Variants in ABCE1 observed in about 807,000 individuals in gnomAD.
ABCE1 encodes the protein ATP-binding cassette sub-family E member 1.
In ABCE1, 22 loss-of-function variants were observed where a neutral mutation model predicts 83.4. The ratio of observed to expected loss-of-function variants is 0.26; its 90% CI spans 0.19 to 0.38. The LOEUF is 0.38. Among genes scored for constraint, ABCE1 ranks in the 10% least tolerant of loss-of-function variants. ABCE1 has a pLI of 1.00. For synonymous variants in ABCE1, 204 were observed against 233.7 expected, an observed-to-expected ratio of 0.87 and a Z score of 1.16; for missense variants, 330 against 721.9, an observed-to-expected ratio of 0.46 and a Z score of 6.22.
At chr4:145,102,615 G>T (rs2126697974) in intron 1 of ABCE1, among the ~76,000 whole-genome samples, 2 of 152,190 alleles carry the variant, frequency 1.3e-5, no homozygotes, top group Admixed American at 1.3e-4. Flanking sequence ...TATGTGTGCA[G>T]GTGAAGAGTC....
chr4:145,118,561 G>T (rs1749664059), intron 10 of ABCE1, among the ~76,000 whole-genome samples: 1 of 151,612 alleles, frequency 6.6e-6, no homozygotes, highest in African/African-American at 2.4e-5. Flanking sequence ...AATATGTATT[G>T]AGTACCTTAC....
intron 3 of ABCE1, 66 bp downstream of exon 3, chr4:145,105,756 A>G: frequency 8.5e-7 from 1 of 1,170,014 alleles, no homozygotes; most frequent in East Asian, 2.5e-5. Context: ...AATTCTGGAT[A>G]CTATGCTATA....
rs779870277 is a variant in ABCE1, at chr4:145,121,330, CAGG to C, written c.1205_1207del (p.Gly402del). On this transcript the variant is annotated splice_acceptor_variant and coding_sequence_variant, in exon 13 of 18. Coordinates refer to ENST00000296577, the MANE Select transcript of ABCE1 (RefSeq NM_002940.3). LOFTEE classifies it high-confidence loss of function. The stretch of plus-strand genomic sequence containing the variant: ...GTGTCTTATGTATTTCATTATTTTG[CAGG>C]AGAAGTACCAGTTCTAAATGTCAGT... 1 of 1,612,922 alleles carries C rather than the reference CAGG, an allele frequency of 6.2e-7. No individual in the cohort carries two copies. Among genetic ancestry groups the C allele is most frequent in the South Asian group, 1.1e-5 (1 of 90,914 alleles).
chr4:145,120,187 T>C, intron 11 of ABCE1, 34 bp downstream of exon 11: 1 of 1,539,834 alleles, frequency 6.5e-7, no homozygotes, highest in Non-Finnish European at 8.8e-7. Context: ...GTAAAAATCT[T>C]CCTGTTTATC....
At chr4:145,104,580 A>G in intron 2 of ABCE1, 65 bp downstream of exon 2, 3 of 1,086,956 alleles carry the variant, frequency 2.8e-6, no homozygotes, top group South Asian at 2.0e-5. Flanking sequence ...CTGGTTTGAT[A>G]ATTCTTTACG....
rs536276493 is a variant in ABCE1 at position 145,102,980 on chromosome 4, T to G, written c.-27-1406T>G. Reference sequence around the variant, plus strand: ...ACAGGAGGGTCATCTGTGAGCATATTGAAATCGAGAACTATGTCAGGAGTT... The same window carrying G: ...ACAGGAGGGTCATCTGTGAGCATATGGAAATCGAGAACTATGTCAGGAGTT... On this transcript the variant is annotated intron_variant, in intron 1 of 17. Coordinates refer to ENST00000296577, the MANE Select transcript of ABCE1 (RefSeq NM_002940.3). Among the ~76,000 whole-genome samples, 12 of 152,248 alleles carry G rather than the reference T, an allele frequency of 7.9e-5. No homozygotes were observed. In the East Asian group the frequency reaches 2.3e-3, roughly 29 times the overall value.
intron 17 of ABCE1, among the ~76,000 whole-genome samples, chr4:145,125,708 A>T (rs983686364): frequency 6.6e-6 from 1 of 152,192 alleles, no homozygotes; most frequent in Non-Finnish European, 1.5e-5. Context: ...TCACCATTGT[A>T]ACAAAGAATT....
rs1431828666 is a variant in ABCE1 at position 145,129,016 on chromosome 4, G to A, written c.*1443G>A. 2.0e-5 allele frequency: 3 copies of A among 152,046 alleles called. No individual in the cohort carries two copies. 9.4% of individuals were successfully genotyped at this position (152,046 alleles called of 1,614,324 possible). A position where few individuals can be genotyped will look rare whatever the true frequency, so the allele number is the denominator to read the frequency against. ...TGTATATTCTTTCATGCTTTTTTCT[G>A]TGCACTTACCTAAGTGTGAATATGT... On this transcript the variant is annotated 3_prime_UTR_variant, in exon 18 of 18. Transcript: ENST00000296577.
rs112772587 is a variant in ABCE1 at position 145,120,979 on chromosome 4, C to G, written c.1145-195C>G. 4 of 564,662 alleles carry G rather than the reference C, an allele frequency of 7.1e-6. No individual in the cohort carries two copies. In the South Asian group the frequency reaches 9.1e-5, roughly 13 times the overall value. The allele number at this position is 564,662 out of a possible 1,614,324, so 35.0% of individuals were successfully genotyped here. ...TAAGCTTTGACTAGTCTTTATTCCT[C>G]TTAATTACCTTAGAATGACACTTCA... On this transcript the variant is annotated intron_variant, in intron 11 of 17. Coordinates refer to ENST00000296577, the MANE Select transcript of ABCE1 (RefSeq NM_002940.3).
At chr4:145,104,706 A>AGAAAG (rs1031160361) in intron 2 of ABCE1, among the ~76,000 whole-genome samples, 191 bp downstream of exon 2, 6 of 152,122 alleles carry the variant, frequency 3.9e-5, no homozygotes, top group African/African-American at 1.4e-4. Context: ...TATTTTTTAA[A>AGAAAG]GAAAGACCAA....
At chr4:145,116,217 A>G (rs1328930823) in intron 9 of ABCE1, among the ~76,000 whole-genome samples, 1 of 151,940 alleles carries the variant, frequency 6.6e-6, no homozygotes, top group Admixed American at 6.6e-5. Context: ...TAATAGAAAG[A>G]TAGTAACTAA....
At chr4:145,117,989 C>T (rs757352846) in intron 10 of ABCE1, among the ~76,000 whole-genome samples, 3 of 151,660 alleles carry the variant, frequency 2.0e-5, no homozygotes, top group African/African-American at 2.4e-5. Flanking sequence ...TAGAAACTAG[C>T]GTACCACTAA....
chr4:145,120,442 A>G (rs1323099491), intron 11 of ABCE1, among the ~76,000 whole-genome samples: 1 of 152,114 alleles, frequency 6.6e-6, no homozygotes, highest in African/African-American at 2.4e-5. Flanking sequence ...GCAGTTATTA[A>G]TCTTATAAAT....
intron 9 of ABCE1, 77 bp from the exon 10 acceptor site, chr4:145,117,216 T>C (rs1749629947): frequency 5.5e-6 from 7 of 1,262,446 alleles, no homozygotes; most frequent in East Asian, 2.5e-5. Context: ...TTATTAGATG[T>C]ATCTCTTTTT....
At chr4:145,125,519 TG>T (rs1450559385) in intron 17 of ABCE1, among the ~76,000 whole-genome samples, 2 of 152,152 alleles carry the variant, frequency 1.3e-5, no homozygotes, top group African/African-American at 4.8e-5. Context: ...AAAATTCCTA[TG>T]TTTTTTACAT....
intron 13 of ABCE1, 92 bp from the exon 14 acceptor site, chr4:145,122,921 ATATACTTT>A (rs1490978688): frequency 2.1e-5 from 17 of 791,854 alleles, no homozygotes; most frequent in Non-Finnish European, 3.3e-5. Context: ...TGGCAAATTG[ATATACTTT>A]TATTCTGAAG....
intron 16 of ABCE1, 66 bp downstream of exon 16, chr4:145,123,666 C>G (rs1363686002): frequency 1.5e-5 from 21 of 1,442,920 alleles, no homozygotes; most frequent in Non-Finnish European, 1.5e-5. Flanking sequence ...AGTAAAGTCA[C>G]TCACTTTAAT....
intron 12 of ABCE1, 40 bp downstream of exon 12, chr4:145,121,273 AC>A: frequency 6.2e-7 from 1 of 1,612,800 alleles, no homozygotes; most frequent in Non-Finnish European, 8.5e-7. Flanking sequence ...TCTGTTTTAC[AC>A]AGTAAACTTT....
In ABCE1 at chr4:145,110,100, T is replaced by C. The variant is rs766071306; in HGVS notation, c.406-3T>C. On this transcript the variant is annotated splice_polypyrimidine_tract_variant and splice_region_variant and intron_variant, in intron 5 of 17. Coordinates refer to ENST00000296577, the MANE Select transcript of ABCE1 (RefSeq NM_002940.3). ...TGATTCTGTATTTTTTTTTTTTTTT[T>C]AGGATCCTCCTGACTGGCAGGAGAT... The C allele has an allele frequency of 1.3e-6, 2 of 1,551,032 alleles. No homozygotes were observed. Among genetic ancestry groups the C allele is most frequent in the Non-Finnish European group, 1.7e-6 (2 of 1,155,442 alleles).
Sources: allele counts gnomAD v4.1 joint callset (sites outside exome capture counted in the v4.1 genomes callset), GRCh38; gene constraint gnomAD v4.1.1; transcripts MANE v1.5; gene names NCBI Gene and HGNC (gene_info 2026-07-23, HGNC 2026-07-21).